Variants in CNTNAP4 observed in about 807,000 individuals in gnomAD.
CNTNAP4 encodes contactin-associated protein-like 4.
A neutral mutation model predicts 148.4 loss-of-function variants in CNTNAP4; 98 were observed. The ratio of observed to expected loss-of-function variants is 0.66; its 90% confidence interval spans 0.56 to 0.78. The LOEUF (loss-of-function observed/expected upper bound fraction) is 0.78. CNTNAP4 is among the 30% of genes least tolerant of loss of function. CNTNAP4 has a pLI of 0.00. For synonymous variants in CNTNAP4, 730 were observed against 565.1 expected, an observed-to-expected ratio of 1.29 and a Z score of -4.14; for missense variants, 1,935 against 1,565.6, an observed-to-expected ratio of 1.24 and a Z score of -3.98.
At chr16:76,530,812 C>G (rs1433556114) in intron 17 of CNTNAP4, among the ~76,000 whole-genome samples, 3 of 152,190 alleles carry the variant, frequency 2.0e-5, no homozygotes, top group Non-Finnish European at 4.4e-5. Flanking sequence ...AGAGCTGGGC[C>G]TCCAGATTCC....
At chr16:76,323,397 A>G (rs1391388277) in intron 2 of CNTNAP4, among the ~76,000 whole-genome samples, 1 of 152,182 alleles carries the variant, frequency 6.6e-6, no homozygotes, top group Non-Finnish European at 1.5e-5. Context: ...ATAAAGTTCC[A>G]GATTAATTTT....
chr16:76,419,142 G>C (rs1227392789), intron 3 of CNTNAP4, among the ~76,000 whole-genome samples: 1 of 151,890 alleles, frequency 6.6e-6, no homozygotes, highest in Non-Finnish European at 1.5e-5. Context: ...TATCTCTGGT[G>C]GTATAGCTTT....
intron 3 of CNTNAP4, among the ~76,000 whole-genome samples, chr16:76,412,860 G>A (rs1339389330): frequency 2.6e-5 from 4 of 151,368 alleles, no homozygotes; most frequent in East Asian, 1.9e-4. Flanking sequence ...CCTTAAAATC[G>A]TGAAAATATT....
At chr16:76,356,512 T>C (rs1226374351) in intron 3 of CNTNAP4, among the ~76,000 whole-genome samples, 1 of 152,194 alleles carries the variant, frequency 6.6e-6, no homozygotes, top group Non-Finnish European at 1.5e-5. Flanking sequence ...ATATGGCATA[T>C]AAACACCTGA....
At chr16:76,427,161 G>A (rs185004684) in intron 3 of CNTNAP4, among the ~76,000 whole-genome samples, 12 of 152,068 alleles carry the variant, frequency 7.9e-5, no homozygotes, top group Admixed American at 2.6e-4. Context: ...ACATTTTTAC[G>A]TTTAATCTAC....
At chr16:76,349,511 A>G (rs558680182) in intron 2 of CNTNAP4, among the ~76,000 whole-genome samples, 23 of 152,296 alleles carry the variant, frequency 1.5e-4, no homozygotes, top group African/African-American at 5.1e-4. Flanking sequence ...GGGACACGGC[A>G]CACCATTTAA....
chr16:76,314,738 C>T (rs947037746), intron 1 of CNTNAP4, among the ~76,000 whole-genome samples: 1 of 152,048 alleles, frequency 6.6e-6, no homozygotes, highest in Non-Finnish European at 1.5e-5. Context: ...AAGTCTCAGC[C>T]TCATTTTCCT....
At chr16:76,333,783 T>TG (rs1406636254) in intron 2 of CNTNAP4, among the ~76,000 whole-genome samples, 25 of 143,650 alleles carry the variant, frequency 1.7e-4, no homozygotes, top group African/African-American at 6.6e-4. Context: ...TTATAGGTTT[T>TG]TTTTTTTTTT....
rs1045282925 is a variant in CNTNAP4 at position 76,530,537 on chromosome 16, A to G, written c.2756-5008A>G. ...TGATTTCTCTAAAATAGGCCTTAGCATGGTCAAACTAGAGACTCGCTCTGG... is the reference window on the plus strand; with the variant it reads ...TGATTTCTCTAAAATAGGCCTTAGCGTGGTCAAACTAGAGACTCGCTCTGG... On this transcript the variant is annotated intron_variant, in intron 17 of 23. Coordinates refer to ENST00000611870, the MANE Select transcript of CNTNAP4 (RefSeq NM_033401.5). 3.9e-5 allele frequency among the ~76,000 whole-genome samples: 6 copies of G among 152,300 alleles called. 1 individual carries two copies. In the East Asian group the frequency reaches 5.8e-4, roughly 15 times the overall value.
chr16:76,486,552 CAA>C (rs1229762215), intron 12 of CNTNAP4, among the ~76,000 whole-genome samples: 1 of 149,214 alleles, frequency 6.7e-6, no homozygotes, highest in Non-Finnish European at 1.5e-5. Flanking sequence ...TATTTCTAGA[CAA>C]AGACAAAAAA....
chr16:76,400,694 G>T (rs1047722792), intron 3 of CNTNAP4, among the ~76,000 whole-genome samples: 1 of 152,004 alleles, frequency 6.6e-6, no homozygotes, highest in Non-Finnish European at 1.5e-5. Flanking sequence ...AATATTTAAC[G>T]CATATTGAGT....
At chr16:76,299,759 T>C (rs991703777) in intron 1 of CNTNAP4, among the ~76,000 whole-genome samples, 4 of 152,090 alleles carry the variant, frequency 2.6e-5, no homozygotes, top group Admixed American at 1.3e-4. Context: ...TGTCCAACAA[T>C]GATAGACTGG....
chr16:76,372,565 TAGTG>T (rs1355998471), intron 3 of CNTNAP4, among the ~76,000 whole-genome samples: 1 of 152,152 alleles, frequency 6.6e-6, no homozygotes, highest in Non-Finnish European at 1.5e-5. Flanking sequence ...GTTCTCCTGG[TAGTG>T]AGTAAGTCTC....
At chr16:76,498,421 T>C (rs1415389715) in intron 14 of CNTNAP4, 146 bp from the exon 15 acceptor site, 4 of 499,766 alleles carry the variant, frequency 8.0e-6, no homozygotes, top group Non-Finnish European at 1.4e-5. Flanking sequence ...ATAAATCAAA[T>C]GTCATTCTGT....
chr16:76,344,553 G>C (rs1964751117), intron 2 of CNTNAP4, among the ~76,000 whole-genome samples: 1 of 152,114 alleles, frequency 6.6e-6, no homozygotes, highest in Non-Finnish European at 1.5e-5. Flanking sequence ...GAAATTGGTT[G>C]ATACTGTTTT....
At chr16:76,460,773 A>AAAAAAAAAAAAAAAAT in intron 8 of CNTNAP4, among the ~76,000 whole-genome samples, 8 of 57,320 alleles carry the variant, frequency 1.4e-4, no homozygotes, top group African/African-American at 1.9e-4. Flanking sequence ...AAAAAAAAAA[A>AAAAAAAAAAAAAAAAT]ATATATATAT....
In CNTNAP4 at chr16:76,475,971, A is replaced by C. The variant is rs772795753; in HGVS notation, c.1688A>C (p.Glu563Ala). The C allele has an allele frequency of 6.2e-7, 1 of 1,613,808 alleles. No homozygotes were observed. The highest frequency in any genetic ancestry group is 8.5e-7 in the Non-Finnish European group (1 of 1,179,738). ...CCCAACTATTGTGAACACGGTGGGG[A>C]GTGTTCCCAGTCCTGGAGCACCTTT... ...CLPNYCEHGGECSQSWSTFHC... is the reference protein window; with the variant it reads ...CLPNYCEHGGACSQSWSTFHC... Residue 563 changes from glutamate (E) to alanine (A), a missense_variant, in exon 11 of 24, where the codon GAG (glutamate) becomes GCG (alanine). Transcript: ENST00000611870.
rs574611669 is a variant in CNTNAP4 at position 76,538,410 on chromosome 16, C to G, written c.3220+70C>G. 2.0e-5 allele frequency: 24 copies of G among 1,181,860 alleles called. No homozygotes were observed. In the African/African-American group the frequency reaches 2.8e-4, roughly 14 times the overall value. The allele number at this position is 1,181,860 out of a possible 1,614,324, so 73.2% of individuals were successfully genotyped here. On this transcript the variant is annotated intron_variant, in intron 19 of 23. Coordinates refer to ENST00000611870, the MANE Select transcript of CNTNAP4 (RefSeq NM_033401.5). ...TAGCTCTGTAATAATATGGATCATTCTCGTGTTCTGGCTTCTCAAGCTACA... is the reference window on the plus strand; with the variant it reads ...TAGCTCTGTAATAATATGGATCATTGTCGTGTTCTGGCTTCTCAAGCTACA...
At chr16:76,451,977 C>T (rs186102855) in intron 7 of CNTNAP4, among the ~76,000 whole-genome samples, 1 of 151,704 alleles carries the variant, frequency 6.6e-6, no homozygotes, top group African/African-American at 2.4e-5. Context: ...ATATATGTAT[C>T]AAAATATCAC....
Sources: allele counts gnomAD v4.1 joint callset (sites outside exome capture counted in the v4.1 genomes callset), GRCh38; gene constraint gnomAD v4.1.1; transcripts MANE v1.5; gene names NCBI Gene and HGNC (gene_info 2026-07-23, HGNC 2026-07-21).